CNTN3: variants seen among roughly 807,000 people sequenced by gnomAD.
CNTN3 encodes the protein contactin-3.
Under a neutral mutation model 119.1 loss-of-function variants are expected in CNTN3, and 60 were observed. The observed-to-expected ratio is 0.50, with a 90% CI of 0.41 to 0.62. The LOEUF (loss-of-function observed/expected upper bound fraction) is 0.62, where lower values mean the gene tolerates loss of function less well. Among genes scored for constraint, CNTN3 ranks in the 20% least tolerant of loss-of-function variants. CNTN3 has a pLI of 0.00. For missense variants in CNTN3, 1,101 were observed against 1,242.4 expected, an observed-to-expected ratio of 0.89 and a Z score of 1.71; for synonymous variants, 450 against 438.7, an observed-to-expected ratio of 1.03 and a Z score of -0.32.
At chr3:74,399,460 T>A (rs78349548) in intron 5 of CNTN3, among the ~76,000 whole-genome samples, 1 of 152,174 alleles carries the variant, frequency 6.6e-6, no homozygotes. Flanking sequence ...CATGTCCCTG[T>A]AAATGACATG....
intron 3 of CNTN3, among the ~76,000 whole-genome samples, chr3:74,487,680 A>C (rs1380400803): frequency 6.6e-6 from 1 of 152,160 alleles, no homozygotes; most frequent in Non-Finnish European, 1.5e-5. Context: ...GCCATCTAAA[A>C]ATTGTTGCTT....
intron 4 of CNTN3, among the ~76,000 whole-genome samples, chr3:74,479,310 G>A (rs995255254): frequency 2.0e-5 from 3 of 152,004 alleles, no homozygotes; most frequent in Non-Finnish European, 4.4e-5. Flanking sequence ...GGTTAGGTTG[G>A]TGCAAAAGTA....
chr3:74,429,440 GAA>G (rs34282771), intron 4 of CNTN3, among the ~76,000 whole-genome samples: 11 of 140,850 alleles, frequency 7.8e-5, no homozygotes, highest in South Asian at 6.9e-4. Context: ...TGGAAGGAGA[GAA>G]AAAAAAAAAT....
chr3:74,512,573 A>G (rs755636607), intron 2 of CNTN3, among the ~76,000 whole-genome samples: 11 of 151,954 alleles, frequency 7.2e-5, no homozygotes, highest in Admixed American at 4.6e-4. Flanking sequence ...GAGCTTTCAA[A>G]AACCCCATGA....
intron 1 of CNTN3, among the ~76,000 whole-genome samples, chr3:74,534,660 T>A (rs1305169379): frequency 6.6e-6 from 1 of 152,068 alleles, no homozygotes; most frequent in Non-Finnish European, 1.5e-5. Context: ...GCTATAGAAG[T>A]GCAATGTACT....
At chr3:74,529,037 G>GTATA (rs202180001) in intron 1 of CNTN3, among the ~76,000 whole-genome samples, 1 of 151,364 alleles carries the variant, frequency 6.6e-6, no homozygotes. Flanking sequence ...GCTGTTTATA[G>GTATA]TATATATATA....
intron 2 of CNTN3, among the ~76,000 whole-genome samples, chr3:74,503,154 G>A (rs1463905198): frequency 1.3e-5 from 2 of 152,124 alleles, no homozygotes; most frequent in Admixed American, 6.6e-5. Context: ...AGAGTTTCTT[G>A]GTGAAAGACC....
At chr3:74,405,999 C>T (rs1222923145) in intron 5 of CNTN3, among the ~76,000 whole-genome samples, 3 of 152,030 alleles carry the variant, frequency 2.0e-5, no homozygotes, top group Non-Finnish European at 2.9e-5. Flanking sequence ...TAATCTTGAT[C>T]CACTTTAGGG....
chr3:74,264,618 A>G (rs952754123), intron 22 of CNTN3, 117 bp from the exon 23 acceptor site: 60 of 579,054 alleles, frequency 1.0e-4, no homozygotes, highest in Non-Finnish European at 1.4e-4. Context: ...CCTAACCCTC[A>G]ATGTCAGAGT....
intron 1 of CNTN3, among the ~76,000 whole-genome samples, chr3:74,559,982 A>G (rs1159676079): frequency 6.6e-6 from 1 of 152,188 alleles, no homozygotes; most frequent in Non-Finnish European, 1.5e-5. Context: ...AACTAACATC[A>G]TGCATCATCC....
intron 20 of CNTN3, among the ~76,000 whole-genome samples, chr3:74,276,499 T>C (rs182255113): frequency 6.6e-6 from 1 of 152,180 alleles, no homozygotes; most frequent in African/African-American, 2.4e-5. Flanking sequence ...TTTAAAACCA[T>C]GCAAATACAT....
intron 20 of CNTN3, among the ~76,000 whole-genome samples, chr3:74,270,367 T>C (rs1575688186): frequency 6.6e-6 from 1 of 152,320 alleles, no homozygotes; most frequent in Middle Eastern, 3.4e-3. Flanking sequence ...GCCATGAGAT[T>C]GCCAAGTCCC....
At chr3:74,311,176 T>G (rs1702676339) in intron 13 of CNTN3, among the ~76,000 whole-genome samples, 1 of 152,182 alleles carries the variant, frequency 6.6e-6, no homozygotes, top group Admixed American at 6.5e-5. Flanking sequence ...AGAATAAATT[T>G]ATACCTCTCC....
chr3:74,313,660 T>A (rs968388696), intron 13 of CNTN3, among the ~76,000 whole-genome samples: 1 of 152,168 alleles, frequency 6.6e-6, no homozygotes, highest in Non-Finnish European at 1.5e-5. Context: ...CAGAAATTTA[T>A]ACACCATTTT....
At chr3:74,418,955 T>A (rs1291133094) in intron 5 of CNTN3, among the ~76,000 whole-genome samples, 1 of 150,724 alleles carries the variant, frequency 6.6e-6, no homozygotes, top group South Asian at 2.1e-4. Context: ...CATGCCTGGA[T>A]AATTTTTTTT....
At chr3:74,530,251 G>A (rs1387747654) in intron 1 of CNTN3, among the ~76,000 whole-genome samples, 1 of 151,982 alleles carries the variant, frequency 6.6e-6, no homozygotes, top group Non-Finnish European at 1.5e-5. Flanking sequence ...CTCATGCGAA[G>A]TTTCCTGGAC....
chr3:74,311,715 T>C (rs1702688602), intron 13 of CNTN3, among the ~76,000 whole-genome samples: 1 of 152,178 alleles, frequency 6.6e-6, no homozygotes, highest in Non-Finnish European at 1.5e-5. Flanking sequence ...TGGTTTCTGA[T>C]GGGCAGGTAA....
chr3:74,571,486 C>G (rs960937189), intron 1 of CNTN3, among the ~76,000 whole-genome samples: 1 of 152,124 alleles, frequency 6.6e-6, no homozygotes, highest in East Asian at 1.9e-4. Context: ...GATACGCTAC[C>G]TCTCATGACT....
intron 5 of CNTN3, among the ~76,000 whole-genome samples, chr3:74,393,145 C>G (rs540748779): frequency 6.6e-6 from 1 of 152,298 alleles, no homozygotes; most frequent in South Asian, 2.1e-4. Flanking sequence ...TCCAAGCTTG[C>G]TTCCATTACT....
Sources: gnomAD v4.1 joint callset for allele counts (sites outside exome capture counted in the v4.1 genomes callset) on GRCh38, gnomAD v4.1.1 for gene constraint, MANE v1.5 for transcripts, NCBI Gene and HGNC (gene_info 2026-07-23, HGNC 2026-07-21) for gene names.